The following IKZF4 variants were observed in gnomAD, a reference collection of about 807,000 sequenced individuals.
IKZF4 encodes the protein IKAROS family zinc finger 4, also known as zinc finger protein Eos.
A neutral mutation model predicts 47.7 loss-of-function variants in IKZF4; 11 were observed. The ratio of observed to expected loss-of-function variants is 0.23; its 90% CI spans 0.15 to 0.38. The LOEUF (loss-of-function observed/expected upper bound fraction) is 0.38. IKZF4 is among the 10% of genes least tolerant of loss of function. IKZF4 has a pLI of 1.00. For synonymous variants in IKZF4, 298 were observed against 299.4 expected (o/e 1.00, Z 0.05); for missense variants, 557 against 784.9 (o/e 0.71, Z 3.47).
intron 5 of IKZF4, among the ~76,000 whole-genome samples, chr12:56,031,434 C>G: frequency 6.6e-6 from 1 of 152,046 alleles, no homozygotes; most frequent in East Asian, 1.9e-4. Context: ...AGGATCATTC[C>G]TCTCCCAGAT....
In IKZF4 at chr12:56,035,399, AC is replaced by A. The variant is rs767664561; in HGVS notation, c.*70del. ...ACTACAGGCATTGATCCCTGTCCCC[AC>A]CATTTCCCAAGGAGTTTTGCTTTGT... On this transcript the variant is annotated 3_prime_UTR_variant, in exon 8 of 8. Transcript: ENST00000547167. The surrounding 1 kb of genome is among the most constrained non-coding windows in gnomAD (Gnocchi z 6.1). 4 of 1,517,758 alleles carry A rather than the reference AC, an allele frequency of 2.6e-6. No homozygotes were observed. The highest frequency in any genetic ancestry group is 4.5e-5 in the East Asian group (2 of 44,160). 94.0% of individuals were successfully genotyped at this position (1,517,758 alleles called of 1,614,324 possible).
At chr12:56,021,704 G>GTC in intron 1 of IKZF4, 124 bp downstream of exon 1, 1 of 1,144,118 alleles carries the variant, frequency 8.7e-7, no homozygotes, top group Non-Finnish European at 1.2e-6. Flanking sequence ...GTGTGTGTGT[G>GTC]TGTGTGTGTG....
At chr12:56,013,879 A>T (rs1891654487) in intron 2 of IKZF4, among the ~76,000 whole-genome samples, 1 of 152,178 alleles carries the variant, frequency 6.6e-6, no homozygotes, top group South Asian at 2.1e-4. Flanking sequence ...AGCCGGGAGC[A>T]GTGGCTCACG....
chr12:56,024,975 A>AT (rs1414094591), intron 2 of IKZF4, 79 bp from the exon 3 acceptor site: 9 of 1,547,832 alleles, frequency 5.8e-6, no homozygotes, highest in African/African-American at 4.1e-5. Context: ...ATTTAACTGA[A>AT]TTTTTTTAAA....
At chr12:56,026,386 AAACTTT>A (rs949724918) in intron 3 of IKZF4, among the ~76,000 whole-genome samples, 23 of 152,050 alleles carry the variant, frequency 1.5e-4, no homozygotes, top group African/African-American at 4.8e-4. Context: ...ACACCCTCTT[AAACTTT>A]AAGAGTGCCA....
intron 2 of IKZF4, among the ~76,000 whole-genome samples, chr12:56,013,007 T>C (rs945002234): frequency 1.3e-5 from 2 of 152,110 alleles, no homozygotes; most frequent in Non-Finnish European, 2.9e-5. Context: ...GTAAATATAA[T>C]AAATAAATAA....
At chr12:56,026,689 CAAAAAA>C in intron 3 of IKZF4, 86 bp from the exon 4 acceptor site, 57 of 931,934 alleles carry the variant, frequency 6.1e-5, no homozygotes, top group Middle Eastern at 3.1e-4. Context: ...AATTCCATCT[CAAAAAA>C]AAAAAAAAAA....
chr12:56,025,247 C>T, intron 3 of IKZF4, 89 bp downstream of exon 3: 1 of 1,349,584 alleles, frequency 7.4e-7, no homozygotes, highest in East Asian at 2.5e-5. Context: ...ACCATTTCCC[C>T]ATCGTCACCT....
intron 2 of IKZF4, chr12:56,011,808 G>A (rs746102865): frequency 6.6e-6 from 1 of 152,226 alleles, no homozygotes; most frequent in Non-Finnish European, 1.5e-5. Context: ...ATTGCTTGAT[G>A]TCTAGGTCTT....
rs186856244 is a variant in IKZF4 at position 56,015,116 on chromosome 12, G to A, written c.-213-3010G>A. On this transcript the variant is annotated intron_variant, in intron 2 of 11. Coordinates refer to the IKZF4 transcript ENST00000262032. ...TTTGAGACAGAGTCTTGCTCTTGTC[G>A]CCCAGGCTGGAGTGCAATGGCACGA... 4.5e-3 allele frequency among the ~76,000 whole-genome samples: 682 copies of A among 152,222 alleles called. 3 individuals are homozygous for A. Among genetic ancestry groups the A allele is most frequent in the African/African-American group, 0.014 (566 of 41,544 alleles).
intron 1 of IKZF4, among the ~76,000 whole-genome samples, chr12:56,010,968 A>T (rs1891258320): frequency 6.6e-6 from 1 of 152,118 alleles, no homozygotes; most frequent in Non-Finnish European, 1.5e-5. Context: ...TGTATTAGGG[A>T]CTTTTGGGCA....
intron 3 of IKZF4, among the ~76,000 whole-genome samples, chr12:56,026,226 C>T (rs1376144891): frequency 6.6e-6 from 1 of 152,066 alleles, no homozygotes; most frequent in African/African-American, 2.4e-5. Flanking sequence ...CGTGAGCCAC[C>T]ACACCCGGCC....
At chr12:56,020,586 G>C (rs1484736068), upstream of IKZF4, among the ~76,000 whole-genome samples, 1 of 152,166 alleles carries the variant, frequency 6.6e-6, no homozygotes, top group Non-Finnish European at 1.5e-5. Context: ...CAGTTTGTCA[G>C]TGAGCAGCTC....
At chr12:56,020,152 G>T (rs1203276323), upstream of IKZF4, among the ~76,000 whole-genome samples, 1 of 152,216 alleles carries the variant, frequency 6.6e-6, no homozygotes, top group Non-Finnish European at 1.5e-5. Context: ...TCTGCTCCAC[G>T]CCAGGTGACC....
At chr12:56,017,708 G>A (rs180933960), upstream of IKZF4, among the ~76,000 whole-genome samples, 44 of 152,142 alleles carry the variant, frequency 2.9e-4, 3 homozygotes, top group African/African-American at 1.1e-3. Flanking sequence ...GGTTTTTCTT[G>A]GAGACAGGGT....
At position 56,021,260 on chromosome 12, in the gene IKZF4, C is replaced by A; in HGVS notation, c.-234C>A. 1 of 1,457,326 alleles carries A rather than the reference C, an allele frequency of 6.9e-7. No homozygotes were observed. The highest frequency in any genetic ancestry group is 9.0e-7 in the Non-Finnish European group (1 of 1,107,252). The allele number at this position is 1,457,326 out of a possible 1,614,324, so 90.3% of individuals were successfully genotyped here. A position where few individuals can be genotyped will look rare whatever the true frequency, so the allele number is the denominator to read the frequency against. The stretch of plus-strand genomic sequence containing the variant: ...CCAAGCACATCCAAGCGTGCTCTCC[C>A]CTCTCCTTCTCTCCCTCTCTCTCTC... On this transcript the variant is annotated 5_prime_UTR_variant, in exon 1 of 8. Transcript: ENST00000547167.
At chr12:56,022,951 T>A (rs1322108110) in intron 1 of IKZF4, among the ~76,000 whole-genome samples, 1 of 151,984 alleles carries the variant, frequency 6.6e-6, no homozygotes, top group Non-Finnish European at 1.5e-5. Context: ...AGGCGCCCGC[T>A]ACCATGCCCG....
At chr12:56,029,662 T>C (rs915715689) in intron 5 of IKZF4, 4 of 152,336 alleles carry the variant, frequency 2.6e-5, no homozygotes, top group East Asian at 3.9e-4. Flanking sequence ...CGTTGATACA[T>C]GCTTTATATC....
At chr12:56,012,402 G>A (rs976768654) in intron 2 of IKZF4, among the ~76,000 whole-genome samples, 1 of 151,434 alleles carries the variant, frequency 6.6e-6, no homozygotes, top group Admixed American at 6.6e-5. Flanking sequence ...AGCCTCCTGA[G>A]TAGCTGGGAT....
Sources: allele counts gnomAD v4.1 joint callset (sites outside exome capture counted in the v4.1 genomes callset), GRCh38; gene constraint gnomAD v4.1.1; non-coding constraint Gnocchi (gnomAD v3.1); transcripts MANE v1.5; gene names NCBI Gene and HGNC (gene_info 2026-07-23, HGNC 2026-07-21).